The following SEMA3E variants were observed in gnomAD, a reference collection of about 807,000 sequenced individuals.
The protein encoded by SEMA3E is semaphorin-3E.
In SEMA3E, 49 loss-of-function variants were observed where a neutral mutation model predicts 93.6. The observed-to-expected ratio is 0.52, with a 90% CI of 0.42 to 0.66. The LOEUF is 0.66. Among genes scored for constraint, SEMA3E ranks in the 30% least tolerant of loss-of-function variants. The pLI is 0.00. For synonymous variants in SEMA3E, 363 were observed against 330.7 expected (o/e 1.10, Z -1.06); for missense variants, 906 against 964.8 (o/e 0.94, Z 0.81).
chr7:83,515,564 C>T (rs1481419083), intron 1 of SEMA3E, among the ~76,000 whole-genome samples: 2 of 152,130 alleles, frequency 1.3e-5, no homozygotes, highest in East Asian at 1.9e-4. Flanking sequence ...CCACAGATTG[C>T]CTATACCATA....
chr7:83,504,066 T>C (rs1790648799), intron 1 of SEMA3E, among the ~76,000 whole-genome samples: 1 of 152,150 alleles, frequency 6.6e-6, no homozygotes, highest in African/African-American at 2.4e-5. Context: ...ACACACGGTT[T>C]CCAGATACAC....
At chr7:83,559,184 A>G (rs1791977728) in intron 1 of SEMA3E, among the ~76,000 whole-genome samples, 1 of 152,076 alleles carries the variant, frequency 6.6e-6, no homozygotes, top group Non-Finnish European at 1.5e-5. Context: ...CAGGAGTTCA[A>G]CAAAGCTACC....
At chr7:83,503,331 T>G (rs1790634098) in intron 1 of SEMA3E, among the ~76,000 whole-genome samples, 1 of 152,156 alleles carries the variant, frequency 6.6e-6, no homozygotes, top group Non-Finnish European at 1.5e-5. Flanking sequence ...CCTAGGAAGT[T>G]TGTTTTTTTC....
At chr7:83,568,060 A>G (rs1183616930) in intron 1 of SEMA3E, among the ~76,000 whole-genome samples, 2 of 152,074 alleles carry the variant, frequency 1.3e-5, no homozygotes, top group East Asian at 1.9e-4. Context: ...TGCAACTTAT[A>G]CAACTGAAAT....
intron 1 of SEMA3E, among the ~76,000 whole-genome samples, chr7:83,648,203 T>C (rs929353746): frequency 6.6e-6 from 1 of 152,012 alleles, no homozygotes; most frequent in Non-Finnish European, 1.5e-5. Context: ...AAAAATAACA[T>C]CTCTAAGTTG....
chr7:83,558,658 T>C (rs1469148933), intron 1 of SEMA3E, among the ~76,000 whole-genome samples: 5 of 152,230 alleles, frequency 3.3e-5, no homozygotes, highest in African/African-American at 9.6e-5. Context: ...TATTTTAGTA[T>C]ATTTTAATAA....
intron 1 of SEMA3E, among the ~76,000 whole-genome samples, chr7:83,494,351 C>A (rs1790445967): frequency 6.6e-6 from 1 of 151,508 alleles, no homozygotes; most frequent in African/African-American, 2.4e-5. Context: ...AGAGAAATTT[C>A]TTCTAAGGTT....
chr7:83,465,481 C>T (rs534980089), intron 4 of SEMA3E, among the ~76,000 whole-genome samples: 2 of 152,100 alleles, frequency 1.3e-5, no homozygotes, highest in East Asian at 1.9e-4. Context: ...TCAAATACTT[C>T]GAATTATATT....
chr7:83,479,120 C>A (rs1346016031), intron 2 of SEMA3E, among the ~76,000 whole-genome samples: 1 of 152,110 alleles, frequency 6.6e-6, no homozygotes, highest in African/African-American at 2.4e-5. Context: ...TACTGCATAC[C>A]CTCTTCCCAC....
chr7:83,388,808 CTTTTT>C (rs5885347), intron 14 of SEMA3E, among the ~76,000 whole-genome samples: 1 of 141,156 alleles, frequency 7.1e-6, no homozygotes, highest in Admixed American at 7.2e-5. Context: ...CTATTTCAGT[CTTTTT>C]TTTTTTTTTC....
At chr7:83,514,138 T>C (rs185624214) in intron 1 of SEMA3E, among the ~76,000 whole-genome samples, 7 of 152,244 alleles carry the variant, frequency 4.6e-5, no homozygotes, top group Middle Eastern at 3.4e-3. Flanking sequence ...ACTAATGCCA[T>C]GGCAATGTCA....
At chr7:83,500,391 A>T (rs1790572192) in intron 1 of SEMA3E, among the ~76,000 whole-genome samples, 1 of 152,030 alleles carries the variant, frequency 6.6e-6, no homozygotes, top group Admixed American at 6.6e-5. Flanking sequence ...AGCTGAGATC[A>T]GGCCACTACA....
Position 83,381,014 on chromosome 7 carries a change from G to A in SEMA3E, c.1875+4280C>T, listed in dbSNP as rs79931482. Reference sequence around the variant, plus strand: ...CACATTAAGAGTTGTTTTTAAGCATGAAGATTTATACTTAATACTGTGTGT... The same window carrying A: ...CACATTAAGAGTTGTTTTTAAGCATAAAGATTTATACTTAATACTGTGTGT... On this transcript the variant is annotated intron_variant, in intron 16 of 16. Transcript: ENST00000643230. Among the ~76,000 whole-genome samples, 698 of 152,084 alleles carry A rather than the reference G, an allele frequency of 4.6e-3. 5 individuals are homozygous for A. Among genetic ancestry groups the A allele is most frequent in the African/African-American group, 0.016 (676 of 41,538 alleles).
At chr7:83,430,011 T>C (rs1788849471) in intron 4 of SEMA3E, among the ~76,000 whole-genome samples, 1 of 152,200 alleles carries the variant, frequency 6.6e-6, no homozygotes, top group Admixed American at 6.5e-5. Context: ...GATTATGCAC[T>C]CATGGATAAT....
At chr7:83,499,615 T>C (rs1790556964) in intron 1 of SEMA3E, among the ~76,000 whole-genome samples, 1 of 152,204 alleles carries the variant, frequency 6.6e-6, no homozygotes, top group African/African-American at 2.4e-5. Context: ...GGCTGAGAGA[T>C]GAAGGAAACT....
At chr7:83,645,642 C>A (rs1444590662) in intron 1 of SEMA3E, among the ~76,000 whole-genome samples, 2 of 151,774 alleles carry the variant, frequency 1.3e-5, no homozygotes, top group Admixed American at 6.6e-5. Context: ...TTCAATATTA[C>A]CCCATTGGGG....
intron 1 of SEMA3E, among the ~76,000 whole-genome samples, chr7:83,635,230 T>C (rs935958609): frequency 2.0e-5 from 3 of 152,042 alleles, no homozygotes; most frequent in Non-Finnish European, 2.9e-5. Context: ...AAATAAGTTA[T>C]GTCAGTTTCA....
rs4016317 is a variant in SEMA3E at position 83,507,424 on chromosome 7, CTGTGTGTGTG to C, written c.116-17160_116-17151del. Among the ~76,000 whole-genome samples the C allele has an allele frequency of 8.3e-3, 1,044 of 125,982 alleles. 14 individuals carry two copies. The highest frequency in any genetic ancestry group is 0.028 in the African/African-American group (956 of 34,574). The allele number at this position is 125,982 out of a possible 152,430, so 82.6% of individuals were successfully genotyped here. Reference sequence around the variant, plus strand: ...GGATTTATCACTTCAAAACAGAACTCTGTGTGTGTGTGTGTGTGTGTGTGTGTGTGTGTGT... The same window carrying C: ...GGATTTATCACTTCAAAACAGAACTCTGTGTGTGTGTGTGTGTGTGTGTGT... On this transcript the variant is annotated intron_variant, in intron 1 of 16. Coordinates refer to ENST00000643230, the MANE Select transcript of SEMA3E (RefSeq NM_012431.3).
intron 1 of SEMA3E, among the ~76,000 whole-genome samples, chr7:83,551,835 T>TA (rs1276591510): frequency 2.0e-5 from 3 of 152,164 alleles, no homozygotes; most frequent in Non-Finnish European, 4.4e-5. Context: ...GCAGCATCCC[T>TA]AGCCTCTACC....
Sources: gnomAD v4.1 joint callset for allele counts (sites outside exome capture counted in the v4.1 genomes callset) on GRCh38, gnomAD v4.1.1 for gene constraint, MANE v1.5 for transcripts, NCBI Gene and HGNC (gene_info 2026-07-23, HGNC 2026-07-21) for gene names.